Variants in OR2L13 observed in about 807,000 individuals in gnomAD.
The protein encoded by OR2L13 is olfactory receptor family 2 subfamily L member 13.
A neutral mutation model predicts 15.3 loss-of-function variants in OR2L13; 14 were observed. The observed-to-expected ratio is 0.91, with a 90% confidence interval of 0.60 to 1.43. The LOEUF is 1.43. OR2L13 is among the 40% of genes most tolerant of loss of function. The pLI is 0.00. For synonymous variants in OR2L13, 152 were observed against 142.9 expected, an observed-to-expected ratio of 1.06 and a Z score of -0.45; for missense variants, 367 against 387.9, an observed-to-expected ratio of 0.95 and a Z score of 0.45.
At chr1:247,991,047 C>T in the OR2L13 span, 2 of 1,562,818 alleles carry the variant, frequency 1.3e-6, no homozygotes, top group African/African-American at 1.4e-5. Context: ...CCTATCTACG[C>T]CCAAGATCCC....
the OR2L13 span, among the ~76,000 whole-genome samples, chr1:248,000,123 G>GGT: frequency 1.5e-3 from 207 of 138,282 alleles, no homozygotes; most frequent in Non-Finnish European, 1.8e-3. Flanking sequence ...TTTTTTTTTT[G>GGT]GTGTGTGTGT....
the OR2L13 span, chr1:248,003,132 T>A: frequency 7.7e-7 from 1 of 1,301,874 alleles, no homozygotes; most frequent in Non-Finnish European, 1.1e-6. Context: ...GAATGCCCCA[T>A]GGAAAATTGC....
chr1:248,042,508 TA>T, the OR2L13 span, among the ~76,000 whole-genome samples: 1 of 150,820 alleles, frequency 6.6e-6, no homozygotes, highest in African/African-American at 2.4e-5. Context: ...AGTACAATAA[TA>T]AAAAATAAAT....
the OR2L13 span, among the ~76,000 whole-genome samples, chr1:248,066,288 C>T: frequency 0.09 from 13,762 of 152,142 alleles, 2,057 homozygotes; most frequent in African/African-American, 0.31. Context: ...CTGTCTTGTA[C>T]CAATTTGTTT....
the OR2L13 span, among the ~76,000 whole-genome samples, chr1:248,006,131 A>G: frequency 4.8e-4 from 73 of 152,040 alleles, no homozygotes; most frequent in African/African-American, 1.8e-3. Context: ...GTTAGGGACA[A>G]TTGTACCCAA....
At chr1:247,982,056 C>T in the OR2L13 span, among the ~76,000 whole-genome samples, 3 of 152,182 alleles carry the variant, frequency 2.0e-5, no homozygotes, top group Non-Finnish European at 4.4e-5. Context: ...ACCTCGTGAT[C>T]CATCCGCCTC....
the OR2L13 span, chr1:248,004,158 C>G: frequency 8.9e-7 from 1 of 1,129,446 alleles, no homozygotes. Context: ...TCCTAGAGTT[C>G]AGGAGCAAAA....
chr1:247,945,474 A>G, the OR2L13 span, among the ~76,000 whole-genome samples: 1 of 152,044 alleles, frequency 6.6e-6, no homozygotes, highest in South Asian at 2.1e-4. Context: ...GAAAAAATGT[A>G]TATTGTTTTT....
the OR2L13 span, among the ~76,000 whole-genome samples, chr1:247,940,449 A>G: frequency 1.6e-4 from 24 of 152,332 alleles, 1 homozygote; most frequent in South Asian, 1.7e-3. Context: ...AATAAATATC[A>G]TAAAGTATTT....
the OR2L13 span, chr1:248,061,803 T>A: frequency 1.3e-5 from 6 of 454,192 alleles, no homozygotes; most frequent in East Asian, 2.0e-4. Flanking sequence ...CCAAACAACC[T>A]TTTTTCTTCA....
At chr1:247,961,790 GTT>G in the OR2L13 span, among the ~76,000 whole-genome samples, 1 of 152,042 alleles carries the variant, frequency 6.6e-6, no homozygotes, top group African/African-American at 2.4e-5. Context: ...ATAAAATGCA[GTT>G]TACATTTTTG....
the OR2L13 span, among the ~76,000 whole-genome samples, chr1:248,080,971 C>T: frequency 1.3e-5 from 2 of 152,108 alleles, no homozygotes; most frequent in African/African-American, 4.8e-5. Flanking sequence ...CATTCATGGG[C>T]TTGTATAATC....
the OR2L13 span, chr1:248,061,336 C>T: frequency 3.8e-5 from 62 of 1,613,734 alleles, no homozygotes; most frequent in East Asian, 3.1e-4. Context: ...TTCCTATGGC[C>T]GGGTTCTCCT....
chr1:248,082,462 A>G, the OR2L13 span, among the ~76,000 whole-genome samples: 1 of 151,192 alleles, frequency 6.6e-6, no homozygotes, highest in African/African-American at 2.4e-5. Flanking sequence ...ACTAACCTGC[A>G]CAATGTGCAC....
chr1:247,976,156 C>T, the OR2L13 span, among the ~76,000 whole-genome samples: 1 of 152,002 alleles, frequency 6.6e-6, no homozygotes, highest in Non-Finnish European at 1.5e-5. Flanking sequence ...GCCAATTTGT[C>T]TTTAGAAAAA....
the OR2L13 span, among the ~76,000 whole-genome samples, chr1:248,051,661 A>G: frequency 2.0e-5 from 3 of 152,160 alleles, no homozygotes; most frequent in South Asian, 2.1e-4. Context: ...GAAGGGTTCA[A>G]CAGAAGCCCA....
chr1:248,084,455 G>C, the OR2L13 span: 31 of 1,607,010 alleles, frequency 1.9e-5, no homozygotes, highest in South Asian at 3.2e-4. Flanking sequence ...CGGTCCCGGT[G>C]AATCAGGAGA....
chr1:247,962,266 C>T, the OR2L13 span, among the ~76,000 whole-genome samples: 833 of 152,274 alleles, frequency 5.5e-3, 10 homozygotes, highest in Middle Eastern at 0.024. Context: ...AGATATTTCC[C>T]TGGTGCTAAA....
chr1:247,938,146 C>T, the OR2L13 span, among the ~76,000 whole-genome samples: 75 of 151,912 alleles, frequency 4.9e-4, no homozygotes, highest in Middle Eastern at 3.4e-3. Context: ...ACATTTTTTC[C>T]CTGACAATTG....
Sources: gnomAD v4.1 joint callset for allele counts (sites outside exome capture counted in the v4.1 genomes callset) on GRCh38, gnomAD v4.1.1 for gene constraint, MANE v1.5 for transcripts, NCBI Gene and HGNC (gene_info 2026-07-23, HGNC 2026-07-21) for gene names.